CSMD3: variants seen among roughly 807,000 people sequenced by gnomAD.
The protein encoded by CSMD3 is CUB and Sushi multiple domains 3.
CSMD3 carries 177 observed loss-of-function variants against 435.2 expected under a neutral mutation model. That is an observed-to-expected ratio of 0.41 (90% confidence interval 0.36 to 0.46). The LOEUF is 0.46. CSMD3 is among the 20% of genes least tolerant of loss of function. The pLI is 0.34. For missense variants in CSMD3, 4,265 were observed against 4,504.6 expected, an observed-to-expected ratio of 0.95 and a Z score of 1.52; for synonymous variants, 1,656 against 1,520.5, an observed-to-expected ratio of 1.09 and a Z score of -2.07.
At chr8:112,768,178 A>T (rs1172049076) in intron 13 of CSMD3, among the ~76,000 whole-genome samples, 1 of 151,526 alleles carries the variant, frequency 6.6e-6, no homozygotes, top group Non-Finnish European at 1.5e-5. Context: ...ATAAATATAA[A>T]TAAACAGTAT....
intron 6 of CSMD3, among the ~76,000 whole-genome samples, chr8:112,982,527 C>T (rs1013695217): frequency 4.6e-5 from 7 of 151,998 alleles, no homozygotes; most frequent in Non-Finnish European, 5.9e-5. Context: ...CAAAATGAAA[C>T]GTCACACACA....
Position 112,292,690 on chromosome 8 carries a change from C to A in CSMD3, c.8635G>T (p.Gly2879Cys). 1 of 1,613,724 alleles carries A rather than the reference C, an allele frequency of 6.2e-7. No individual in the cohort carries two copies. Among genetic ancestry groups the A allele is most frequent in the South Asian group, 1.1e-5 (1 of 91,080 alleles). Residue 2879 changes from glycine to cysteine, a missense_variant, in exon 55 of 71, where the codon GGT becomes TGT. Physicochemically the swap from Gly to Cys is radical, Grantham distance 159. This residue lies in a region of CSMD3 where 3,255 missense variants were observed against 3,380.2 expected (regional missense o/e 0.96). Transcript: ENST00000297405. ...CTTGTTCTTCCATAAATTGGACTACCAGGGTGACCACAGCTAACAGCTAAT... is the reference window on the plus strand; with the variant it reads ...CTTGTTCTTCCATAAATTGGACTACAAGGGTGACCACAGCTAACAGCTAAT... ...SCVPVSCGHP[G>C]SPIYGRTSGN...
At chr8:112,665,438 A>T (rs2075497620) in intron 17 of CSMD3, among the ~76,000 whole-genome samples, 1 of 152,184 alleles carries the variant, frequency 6.6e-6, no homozygotes, top group Non-Finnish European at 1.5e-5. Flanking sequence ...TAACACTAGC[A>T]TGGATAGACA....
intron 5 of CSMD3, among the ~76,000 whole-genome samples, chr8:113,048,697 TC>T (rs1465388873): frequency 1.3e-5 from 2 of 152,220 alleles, no homozygotes; most frequent in African/African-American, 2.4e-5. Flanking sequence ...ACCTACATTA[TC>T]CTTGTGATAC....
intron 6 of CSMD3, among the ~76,000 whole-genome samples, chr8:112,997,427 T>TTTTC (rs1231707473): frequency 2.0e-5 from 3 of 151,642 alleles, no homozygotes; most frequent in African/African-American, 7.2e-5. Context: ...TGGATACCTG[T>TTTTC]TTTCTCAATG....
chr8:113,312,081 T>C (rs1006814054), intron 2 of CSMD3: 3 of 152,114 alleles, frequency 2.0e-5, no homozygotes, highest in Non-Finnish European at 4.4e-5. Context: ...TTTTTATTTA[T>C]ATATCAATAC....
At chr8:113,294,575 T>C (rs1203544575) in intron 2 of CSMD3, among the ~76,000 whole-genome samples, 1 of 152,130 alleles carries the variant, frequency 6.6e-6, no homozygotes, top group African/African-American at 2.4e-5. Flanking sequence ...ATTATTCTGA[T>C]GTAAGAAGTT....
chr8:113,228,978 C>T (rs140953040), intron 3 of CSMD3, among the ~76,000 whole-genome samples: 231 of 151,622 alleles, frequency 1.5e-3, no homozygotes, highest in African/African-American at 5.3e-3. Context: ...CATAATTCAC[C>T]ACGTTCAAGT....
intron 5 of CSMD3, among the ~76,000 whole-genome samples, chr8:113,056,803 T>C (rs780720603): frequency 2.0e-5 from 3 of 152,216 alleles, no homozygotes; most frequent in Non-Finnish European, 4.4e-5. Flanking sequence ...CTTCAGCCAA[T>C]AGCCAAAGCA....
intron 27 of CSMD3, among the ~76,000 whole-genome samples, chr8:112,523,596 A>C (rs1047339788): frequency 3.6e-4 from 54 of 152,028 alleles, no homozygotes; most frequent in African/African-American, 1.3e-3. Flanking sequence ...CTATAAGAAA[A>C]TCAAGATGGG....
At chr8:112,837,581 T>C (rs564573318) in intron 11 of CSMD3, among the ~76,000 whole-genome samples, 3 of 151,958 alleles carry the variant, frequency 2.0e-5, no homozygotes, top group South Asian at 2.1e-4. Context: ...CATAGGATGC[T>C]TGATATATAG....
At chr8:112,640,934 C>T (rs2074806580) in intron 20 of CSMD3, among the ~76,000 whole-genome samples, 1 of 151,818 alleles carries the variant, frequency 6.6e-6, no homozygotes, top group African/African-American at 2.4e-5. Context: ...GAAAAATGTG[C>T]TTGTTCTGAA....
chr8:113,126,675 G>T (rs1166998025), intron 4 of CSMD3, among the ~76,000 whole-genome samples: 1 of 151,856 alleles, frequency 6.6e-6, no homozygotes, highest in Non-Finnish European at 1.5e-5. Flanking sequence ...GAAGGAGGAG[G>T]AAGGGGAAGG....
chr8:113,072,376 G>A (rs900190253), intron 5 of CSMD3, among the ~76,000 whole-genome samples: 2 of 151,640 alleles, frequency 1.3e-5, no homozygotes, highest in Non-Finnish European at 3.0e-5. Context: ...AGATCTTAGA[G>A]GAAAAGTTCA....
intron 31 of CSMD3, among the ~76,000 whole-genome samples, chr8:112,482,104 T>C (rs778454320): frequency 1.3e-5 from 2 of 152,206 alleles, no homozygotes; most frequent in African/African-American, 4.8e-5. Flanking sequence ...TCTACACCTG[T>C]CATCTCACTG....
chr8:113,180,650 A>G (rs1564398614), intron 3 of CSMD3, among the ~76,000 whole-genome samples: 1 of 152,076 alleles, frequency 6.6e-6, no homozygotes, highest in Non-Finnish European at 1.5e-5. Context: ...TATCACACAG[A>G]TCTCATAGAA....
chr8:112,600,693 T>C (rs1832262628), intron 22 of CSMD3, among the ~76,000 whole-genome samples: 1 of 152,038 alleles, frequency 6.6e-6, no homozygotes, highest in Admixed American at 6.6e-5. Flanking sequence ...TCTTTTCTTT[T>C]CTTTTTTTTT....
intron 1 of CSMD3, among the ~76,000 whole-genome samples, chr8:113,337,795 C>A (rs1450261179): frequency 6.6e-6 from 1 of 151,222 alleles, no homozygotes; most frequent in East Asian, 1.9e-4. Context: ...CTATAGTTAA[C>A]AACAATGTAT....
chr8:112,417,415 G>C (rs2130223930), intron 32 of CSMD3, among the ~76,000 whole-genome samples: 1 of 152,244 alleles, frequency 6.6e-6, no homozygotes, highest in Non-Finnish European at 1.5e-5. Flanking sequence ...AACAGCACCT[G>C]AAGCAGTAAT....
Sources: allele counts gnomAD v4.1 joint callset (sites outside exome capture counted in the v4.1 genomes callset), GRCh38; gene constraint gnomAD v4.1.1; regional missense constraint gnomAD v4.1.1; transcripts MANE v1.5; gene names NCBI Gene and HGNC (gene_info 2026-07-23, HGNC 2026-07-21).